Variants in DOCK11 observed in about 807,000 individuals in gnomAD.
DOCK11 encodes the protein dedicator of cytokinesis protein 11.
Under a neutral mutation model 169.1 loss-of-function variants are expected in DOCK11, and 70 were observed. The ratio of observed to expected loss-of-function variants is 0.41; its 90% CI spans 0.34 to 0.51. The LOEUF (loss-of-function observed/expected upper bound fraction) is 0.51. DOCK11 is among the 20% of genes least tolerant of loss of function. The pLI, the probability that DOCK11 is intolerant of heterozygous loss-of-function variation, is 0.10. For missense variants in DOCK11, 1,166 were observed against 1,538.8 expected (o/e 0.76, Z 4.05); for synonymous variants, 529 against 541.3 (o/e 0.98, Z 0.32).
rs1195547035 is a variant in DOCK11, at chrX:118,578,653, T to C, written c.1512+6T>C. The C allele has an allele frequency of 1.7e-6, 2 of 1,190,029 alleles. No homozygotes were observed. The highest frequency in any genetic ancestry group is 3.7e-5 in the South Asian group (2 of 54,064). On this transcript the variant is annotated splice_donor_region_variant and intron_variant, in intron 13 of 52. Coordinates refer to ENST00000276202, the MANE Select transcript of DOCK11 (RefSeq NM_144658.4). ...AAAATTCTGATCCAGTAAAGGTAAT[T>C]TATAAAGGTTGTTGATCAACATTTC...
chrX:118,679,501 G>C (rs1214036439), intron 48 of DOCK11, among the ~76,000 whole-genome samples: 1 of 111,604 alleles, frequency 9.0e-6, no homozygotes, highest in Non-Finnish European at 1.9e-5. Flanking sequence ...ACACTAGGGG[G>C]CTGAGGCAGG....
chrX:118,576,353 G>T (rs1404827487), intron 12 of DOCK11, among the ~76,000 whole-genome samples: 1 of 111,341 alleles, frequency 9.0e-6, no homozygotes, highest in Non-Finnish European at 1.9e-5. Context: ...TGTCCTAAAC[G>T]GCCAGACCTC....
At chrX:118,672,412 CT>C (rs1179221739) in intron 46 of DOCK11, among the ~76,000 whole-genome samples, 5 of 110,929 alleles carry the variant, frequency 4.5e-5, no homozygotes, top group African/African-American at 1.6e-4. Context: ...GCAATTTATT[CT>C]TTTTTTTTGT....
intron 48 of DOCK11, among the ~76,000 whole-genome samples, chrX:118,677,084 C>T (rs1203532017): frequency 8.9e-6 from 1 of 111,902 alleles, no homozygotes; most frequent in Non-Finnish European, 1.9e-5. Context: ...ACATAAAAAG[C>T]ATTCACTAAT....
intron 14 of DOCK11, among the ~76,000 whole-genome samples, chrX:118,581,344 TA>T (rs771055210): frequency 2.7e-5 from 3 of 109,768 alleles, no homozygotes; most frequent in South Asian, 7.6e-4. Context: ...TGCAGACTGG[TA>T]AAAAAAAATG....
intron 52 of DOCK11, among the ~76,000 whole-genome samples, chrX:118,684,159 CA>C (rs1330217578): frequency 9.1e-6 from 1 of 110,315 alleles, no homozygotes; most frequent in Non-Finnish European, 1.9e-5. Flanking sequence ...GATTACTTGA[CA>C]AAAAGACATG....
At chrX:118,542,239 C>T (rs957778120) in intron 1 of DOCK11, among the ~76,000 whole-genome samples, 5 of 107,872 alleles carry the variant, frequency 4.6e-5, no homozygotes, top group African/African-American at 1.4e-4. Flanking sequence ...GGCACAATCA[C>T]GGATCACTAC....
At chrX:118,649,972 A>C (rs2015909129) in intron 41 of DOCK11, among the ~76,000 whole-genome samples, 1 of 111,841 alleles carries the variant, frequency 8.9e-6, no homozygotes, top group Non-Finnish European at 1.9e-5. Context: ...TTAAATAACA[A>C]GCTTGTTAGA....
rs1030417734 is a variant in DOCK11 at position 118,553,886 on chromosome X, GTTT to G, written c.559-7493_559-7491del. ...ATGCATAAGATTTTTTCATTAATTTGTTTTTTATGTTTTGTTTTCTCTCATTCA... is the reference window on the plus strand; with the variant it reads ...ATGCATAAGATTTTTTCATTAATTTGTTTATGTTTTGTTTTCTCTCATTCA... On this transcript the variant is annotated intron_variant, in intron 6 of 52. Coordinates refer to ENST00000276202, the MANE Select transcript of DOCK11 (RefSeq NM_144658.4). Among the ~76,000 whole-genome samples, 8 of 112,099 alleles carry G rather than the reference GTTT, an allele frequency of 7.1e-5. No individual in the cohort carries two copies. The Admixed American group carries it at 7.6e-4, about 11-fold the overall frequency.
chrX:118,681,674 T>C lies in DOCK11; in HGVS notation c.5863-20T>C. On this transcript the variant is annotated intron_variant, in intron 50 of 52. Transcript: ENST00000276202. ...ATTGCATTCTGGAAACACTCTCATT[T>C]TTCTTCTATTGTGATATAGGTCAAT... 9.2e-7 allele frequency: 1 copy of C among 1,087,192 alleles called. No homozygotes were observed. The highest frequency in any genetic ancestry group is 1.2e-6 in the Non-Finnish European group (1 of 820,431). 89.6% of individuals were successfully genotyped at this position (1,087,192 alleles called of 1,213,427 possible).
At chrX:118,675,023 T>G (rs1895277607) in intron 46 of DOCK11, among the ~76,000 whole-genome samples, 1 of 111,790 alleles carries the variant, frequency 8.9e-6, no homozygotes, top group African/African-American at 3.3e-5. Flanking sequence ...TTGGTTTGCA[T>G]ATATTTTGTT....
chrX:118,572,192 G>A, intron 10 of DOCK11, 131 bp from the exon 11 acceptor site: 1 of 551,645 alleles, frequency 1.8e-6, no homozygotes, highest in African/African-American at 2.3e-5. Flanking sequence ...CTTGTTAGAT[G>A]AAAACATAAA....
intron 46 of DOCK11, among the ~76,000 whole-genome samples, 177 bp downstream of exon 46, chrX:118,671,322 G>A (rs2016466376): frequency 9.0e-6 from 1 of 111,535 alleles, no homozygotes; most frequent in Admixed American, 9.5e-5. Flanking sequence ...TGACACATTT[G>A]TCCAATTTCA....
rs745438376 is a variant in DOCK11 at position 118,654,909 on chromosome X, G to A, written c.4917G>A (p.Ala1639=). The A allele has an allele frequency of 1.2e-5, 15 of 1,209,405 alleles. No homozygotes were observed. The highest frequency in any genetic ancestry group is 3.5e-5 in the South Asian group (2 of 56,963). The change falls in exon 44 of 53, where the codon GCG becomes GCA. Residue 1639 remains alanine (A), a synonymous_variant. Coordinates refer to ENST00000276202, the MANE Select transcript of DOCK11 (RefSeq NM_144658.4). Reference sequence around the variant, plus strand: ...TCTCTGTCATCCTTTTTCAGGCTGCGATGTGTTATGTCCATGTAGCAGCTC... The same window carrying A: ...TCTCTGTCATCCTTTTTCAGGCTGCAATGTGTTATGTCCATGTAGCAGCTC... ...HVKNGDFSEA[A]MCYVHVAALV...
chrX:118,508,060 C>CA lies in DOCK11; in HGVS notation c.102+12001dup, dbSNP rs34530280. 7.9e-3 allele frequency among the ~76,000 whole-genome samples: 496 copies of CA among 63,005 alleles called. 3 individuals carry two copies. Among genetic ancestry groups the CA allele is most frequent in the African/African-American group, 0.023 (409 of 18,057 alleles). The allele number at this position is 63,005 out of a possible 115,157, so 54.7% of individuals were successfully genotyped here. ...TTAGTGGGAAAGTAGGAGGTGAGGA[C>CA]AAAAAAAAAAAAAAGAGGGATGGGG... is the stretch of plus-strand genomic sequence containing the variant. On this transcript the variant is annotated intron_variant, in intron 1 of 52. Transcript: ENST00000276202.
chrX:118,639,633 A>G, intron 38 of DOCK11, 56 bp downstream of exon 38: 1 of 1,134,546 alleles, frequency 8.8e-7, no homozygotes, highest in Admixed American at 2.4e-5. Context: ...CCTGGTTTAA[A>G]TAATAAAAAC....
At chrX:118,600,938 C>G (rs1193163858) in intron 23 of DOCK11, among the ~76,000 whole-genome samples, 2 of 110,437 alleles carry the variant, frequency 1.8e-5, no homozygotes, top group Non-Finnish European at 3.8e-5. Context: ...GCTTCATAAG[C>G]CATGGCGAGG....
chrX:118,636,455 G>A (rs771701745), intron 36 of DOCK11, 43 bp downstream of exon 36: 1 of 725,868 alleles, frequency 1.4e-6, no homozygotes, highest in Non-Finnish European at 1.9e-6. Flanking sequence ...CCCCTTATTT[G>A]GGGAGAATTC....
rs1237110939 is a variant in DOCK11 at position 118,681,142 on chromosome X, C to T, written c.5756C>T (p.Thr1919Ile). The T allele has an allele frequency of 1.7e-6, 2 of 1,206,910 alleles. No homozygotes were observed. The highest frequency in any genetic ancestry group is 2.2e-6 in the Non-Finnish European group (2 of 893,414). The change falls in exon 50 of 53, where the codon ACT (threonine) becomes ATT (isoleucine). Residue 1919 changes from threonine (T) to isoleucine (I), a missense_variant. Coordinates refer to ENST00000276202, the MANE Select transcript of DOCK11 (RefSeq NM_144658.4). ...QINLKPIDVA[T>I]DEIKDKTAEL... The stretch of plus-strand genomic sequence containing the variant: ...AATTTAAAACCAATTGATGTTGCCA[C>T]TGATGAAATAAAAGATAAAACTGCA...
Sources: allele counts gnomAD v4.1 joint callset (sites outside exome capture counted in the v4.1 genomes callset), GRCh38; gene constraint gnomAD v4.1.1; transcripts MANE v1.5; gene names NCBI Gene and HGNC (gene_info 2026-07-23, HGNC 2026-07-21).